Variants in ZNF614 observed in about 807,000 individuals in gnomAD.
ZNF614 encodes zinc finger protein 614.
Under a neutral mutation model 12.8 loss-of-function variants are expected in ZNF614, and 11 were observed. The observed-to-expected ratio is 0.86, with a 90% CI of 0.54 to 1.43. The LOEUF is 1.43. Ranked by LOEUF, ZNF614 falls within the 40% of genes most tolerant of loss-of-function variation. ZNF614 has a pLI of 0.00. For missense variants in ZNF614, 664 were observed against 708.8 expected, an observed-to-expected ratio of 0.94 and a Z score of 0.72; for synonymous variants, 237 against 237.5, an observed-to-expected ratio of 1.00 and a Z score of 0.02.
At chr19:52,017,486 G>A (rs1051443564) in intron 4 of ZNF614, 127 bp from the exon 5 acceptor site, 22 of 824,608 alleles carry the variant, frequency 2.7e-5, no homozygotes, top group Non-Finnish European at 3.9e-5. Context: ...GGCAGATCAC[G>A]AGGTCAGGAG....
intron 1 of ZNF614, among the ~76,000 whole-genome samples, chr19:52,026,868 G>A (rs1476418171): frequency 6.6e-6 from 1 of 152,200 alleles, no homozygotes; most frequent in African/African-American, 2.4e-5. Flanking sequence ...TCAAGGCACA[G>A]CACGTTTCCT....
rs1032366149 is a variant in ZNF614 at position 52,013,996 on chromosome 19, T to G, written c.*1844A>C. 6.6e-6 allele frequency: 1 copy of G among 152,354 alleles called. No individual in the cohort carries two copies. The highest frequency in any genetic ancestry group is 1.5e-5 in the Non-Finnish European group (1 of 68,034). 9.4% of individuals were successfully genotyped at this position (152,354 alleles called of 1,614,324 possible). Reference sequence around the variant, plus strand: ...GCTTTTGCAATTTCGAGTTCAAATTTATTTAAGTTGAAGGTGGTTTTATAA... The same window carrying G: ...GCTTTTGCAATTTCGAGTTCAAATTGATTTAAGTTGAAGGTGGTTTTATAA... On this transcript the variant is annotated 3_prime_UTR_variant, in exon 5 of 5. Coordinates refer to ENST00000270649, the MANE Select transcript of ZNF614 (RefSeq NM_025040.4).
In ZNF614 at chr19:52,017,130, A is replaced by C; in HGVS notation, c.468T>G (p.Val156=). ...GTGTTTTCTCACCTCCAATAAACTC[A>C]ACAGGGTTATTTATTCCATGTCTTC... is the stretch of plus-strand genomic sequence containing the variant. ...QKRRHGINNP[V]EFIGGEKTLL... Residue 156 remains valine (V), a synonymous_variant, in exon 5 of 5, where the codon GTT becomes GTG. Coordinates refer to ENST00000270649, the MANE Select transcript of ZNF614 (RefSeq NM_025040.4). 1 of 1,614,182 alleles carries C rather than the reference A, an allele frequency of 6.2e-7. No homozygotes were observed. Among genetic ancestry groups the C allele is most frequent in the Non-Finnish European group, 8.5e-7 (1 of 1,180,012 alleles).
intron 2 of ZNF614, among the ~76,000 whole-genome samples, chr19:52,020,468 G>A (rs947482570): frequency 3.9e-5 from 6 of 152,200 alleles, no homozygotes; most frequent in African/African-American, 1.4e-4. Context: ...GGAATCCTTG[G>A]TGGCATTACA....
In ZNF614 at chr19:52,015,879, G is replaced by A; in HGVS notation, c.1719C>T (p.Asn573=). ...REMGRISQVE[N]SCNGESQLLP... is the part of the protein sequence containing the mutation. ...GGAGCTGTGACTCTCCATTACAGGAGTTTTCAACTTGACTGATTCTACCCA... is the reference window on the plus strand; with the variant it reads ...GGAGCTGTGACTCTCCATTACAGGAATTTTCAACTTGACTGATTCTACCCA... The change falls in exon 5 of 5, where the codon AAC becomes AAT. Residue 573 remains asparagine (N), a synonymous_variant. Transcript: ENST00000270649. The A allele has an allele frequency of 6.2e-7, 1 of 1,613,982 alleles. No homozygotes were observed. Among genetic ancestry groups the A allele is most frequent in the Non-Finnish European group, 8.5e-7 (1 of 1,179,908 alleles).
intron 4 of ZNF614, chr19:52,017,767 C>T (rs1327002562): frequency 4.9e-6 from 2 of 407,492 alleles, no homozygotes; most frequent in Non-Finnish European, 8.6e-6. Flanking sequence ...ATTGTCAACT[C>T]TACGATCCCA....
rs1309322377 is a variant in ZNF614 at position 52,013,906 on chromosome 19, A to T, written c.*1934T>A. 1 of 152,194 alleles carries T rather than the reference A, an allele frequency of 6.6e-6. No individual in the cohort carries two copies. Among genetic ancestry groups the T allele is most frequent in the Non-Finnish European group, 1.5e-5 (1 of 68,034 alleles). The allele number at this position is 152,194 out of a possible 1,614,324, so 9.4% of individuals were successfully genotyped here. A position where few individuals can be genotyped will look rare whatever the true frequency, so the allele number is the denominator to read the frequency against. On this transcript the variant is annotated 3_prime_UTR_variant, in exon 5 of 5. Coordinates refer to ENST00000270649, the MANE Select transcript of ZNF614 (RefSeq NM_025040.4). Reference sequence around the variant, plus strand: ...CAATGTTGTTTTTCTGGTTTTGATAATTATGGTTATATAGGATATTTTTAC... The same window carrying T: ...CAATGTTGTTTTTCTGGTTTTGATATTTATGGTTATATAGGATATTTTTAC...
At chr19:52,017,805 G>A in intron 4 of ZNF614, 1 of 492,166 alleles carries the variant, frequency 2.0e-6, no homozygotes, top group Non-Finnish European at 3.6e-6. Flanking sequence ...GAAGATATAA[G>A]CTGAAATATA....
Position 52,018,061 on chromosome 19 carries a change from T to C in ZNF614, c.185A>G (p.His62Arg). The change falls in exon 4 of 5, where the codon CAT (histidine) becomes CGT (arginine). Residue 62 changes from histidine to arginine, a missense_variant. Transcript: ENST00000270649. ...SKPDVLSKLAHGQEPWTTDAK... is the reference protein window; with the variant it reads ...SKPDVLSKLARGQEPWTTDAK... ...ATCTGTTGTCCATGGTTCTTGTCCATGTGCCAACTTGGAGAGTACATCTGG... is the reference window on the plus strand; with the variant it reads ...ATCTGTTGTCCATGGTTCTTGTCCACGTGCCAACTTGGAGAGTACATCTGG... The C allele has an allele frequency of 6.2e-7, 1 of 1,614,122 alleles. No homozygotes were observed. The highest frequency in any genetic ancestry group is 8.5e-7 in the Non-Finnish European group (1 of 1,179,998).
chr19:52,014,088 G>C lies in ZNF614; in HGVS notation c.*1752C>G, dbSNP rs1263779985. 5 of 152,118 alleles carry C rather than the reference G, an allele frequency of 3.3e-5. No individual in the cohort carries two copies. The highest frequency in any genetic ancestry group is 5.9e-5 in the Non-Finnish European group (4 of 68,012). The allele number at this position is 152,118 out of a possible 1,614,324, so 9.4% of individuals were successfully genotyped here. A position where few individuals can be genotyped will look rare whatever the true frequency, so the allele number is the denominator to read the frequency against. On this transcript the variant is annotated 3_prime_UTR_variant, in exon 5 of 5. Coordinates refer to ENST00000270649, the MANE Select transcript of ZNF614 (RefSeq NM_025040.4). The stretch of plus-strand genomic sequence containing the variant: ...GTTGTTAATATATTTAACATATTCA[G>C]TTTCTTTTCTACTTAAGTTTGCTTA...
At chr19:52,024,000 T>C (rs973463962) in intron 2 of ZNF614, among the ~76,000 whole-genome samples, 1 of 152,128 alleles carries the variant, frequency 6.6e-6, no homozygotes, top group Non-Finnish European at 1.5e-5. Context: ...ATTATGCCTA[T>C]GTAATGAACC....
In ZNF614 at chr19:52,014,855, A is replaced by T. The variant is rs2086886936; in HGVS notation, c.*985T>A. ...CACTTCAGTAGTATAATCAGGTGTA[A>T]TTAAAAGGGCAGTGCTATGAATAAC... On this transcript the variant is annotated 3_prime_UTR_variant, in exon 5 of 5. Coordinates refer to ENST00000270649, the MANE Select transcript of ZNF614 (RefSeq NM_025040.4). 1 of 152,220 alleles carries T rather than the reference A, an allele frequency of 6.6e-6. No individual in the cohort carries two copies. The highest frequency in any genetic ancestry group is 6.5e-5 in the Admixed American group (1 of 15,278). The allele number at this position is 152,220 out of a possible 1,614,324, so 9.4% of individuals were successfully genotyped here.
rs1466360206 is a variant in ZNF614 at position 52,025,978 on chromosome 19, C to A, written c.-216-17G>T. 1.3e-5 allele frequency: 7 copies of A among 521,614 alleles called. No individual in the cohort carries two copies. The East Asian group carries it at 2.3e-4, about 17-fold the overall frequency. The allele number at this position is 521,614 out of a possible 1,614,324, so 32.3% of individuals were successfully genotyped here. A position where few individuals can be genotyped will look rare whatever the true frequency, so the allele number is the denominator to read the frequency against. ...ACCTGAGGACTGATAAACAAAATGG[C>A]TTTCAGTGTACATTAACCCTGGGTC... On this transcript the variant is annotated splice_polypyrimidine_tract_variant and intron_variant, in intron 1 of 4. Coordinates refer to ENST00000270649, the MANE Select transcript of ZNF614 (RefSeq NM_025040.4).
Position 52,025,818 on chromosome 19 carries a change from T to C in ZNF614, c.-73A>G, listed in dbSNP as rs2086967803. 1 of 1,547,788 alleles carries C rather than the reference T, an allele frequency of 6.5e-7. No individual in the cohort carries two copies. Among genetic ancestry groups the C allele is most frequent in the African/African-American group, 1.4e-5 (1 of 72,462 alleles). On this transcript the variant is annotated 5_prime_UTR_variant, in exon 2 of 5. Coordinates refer to ENST00000270649, the MANE Select transcript of ZNF614 (RefSeq NM_025040.4). ...TGTCTCTTCTGCATTTGCCATGAAG[T>C]TTTTGAAGTTTTCCTAGTCAGAAAT... is the stretch of plus-strand genomic sequence containing the variant.
rs756730125 is a variant in ZNF614 at position 52,016,806 on chromosome 19, A to G, written c.792T>C (p.Tyr264=). 20 of 1,613,734 alleles carry G rather than the reference A, an allele frequency of 1.2e-5. No homozygotes were observed. The highest frequency in any genetic ancestry group is 1.7e-5 in the Admixed American group (1 of 59,974). The change falls in exon 5 of 5, where the codon TAT becomes TAC. Residue 264 remains tyrosine, a synonymous_variant. Transcript: ENST00000270649. ...TACTCTTCACAGTAGAGCCTTTTCT[A>G]TATTCATTGGGTATACAGATTTTGT... ...TTDKICIPNE[Y]RKGSTVKSSL... is the part of the protein sequence containing the mutation.
At chr19:52,027,089 T>G (rs980534463) in intron 1 of ZNF614, among the ~76,000 whole-genome samples, 3 of 152,332 alleles carry the variant, frequency 2.0e-5, no homozygotes, top group Non-Finnish European at 4.4e-5. Context: ...TCTCTATACT[T>G]TGTCTCTTAT....
chr19:52,025,161 C>T (rs1376882484), intron 2 of ZNF614, among the ~76,000 whole-genome samples: 3 of 152,012 alleles, frequency 2.0e-5, no homozygotes, highest in Non-Finnish European at 2.9e-5. Flanking sequence ...TTGGCAGGCA[C>T]CAGCATGCAA....
In ZNF614 at chr19:52,018,350, C is replaced by A. The variant is rs1157221704; in HGVS notation, c.142+18G>T. ...GCATTGTAGGCACCTCTAGGTGACACAGGGAAACTATTCTTACCCAGTGAT... is the reference window on the plus strand; with the variant it reads ...GCATTGTAGGCACCTCTAGGTGACAAAGGGAAACTATTCTTACCCAGTGAT... On this transcript the variant is annotated intron_variant, in intron 3 of 4. Coordinates refer to ENST00000270649, the MANE Select transcript of ZNF614 (RefSeq NM_025040.4). 6.2e-7 allele frequency: 1 copy of A among 1,613,888 alleles called. No homozygotes were observed. Among genetic ancestry groups the A allele is most frequent in the African/African-American group, 1.3e-5 (1 of 75,004 alleles).
Position 52,015,988 on chromosome 19 carries a change from C to T in ZNF614, c.1610G>A (p.Arg537Lys), listed in dbSNP as rs2086893604. 1.9e-6 allele frequency: 3 copies of T among 1,614,170 alleles called. No individual in the cohort carries two copies. The highest frequency in any genetic ancestry group is 1.1e-5 in the South Asian group (1 of 91,086). Residue 537 changes from arginine to lysine, a missense_variant, in exon 5 of 5, where the codon AGG (arginine) becomes AAG (lysine). Transcript: ENST00000270649. ...CTCACAATCACTGCATCCATACGGC[C>T]TCTCTCCTGTATGCGTTCTTTGATG... is the stretch of plus-strand genomic sequence containing the variant. ...NVHQRTHTGE[R>K]PYGCSDCEKA... is the part of the protein sequence containing the mutation.
Sources: allele counts gnomAD v4.1 joint callset (sites outside exome capture counted in the v4.1 genomes callset), GRCh38; gene constraint gnomAD v4.1.1; transcripts MANE v1.5; gene names NCBI Gene and HGNC (gene_info 2026-07-23, HGNC 2026-07-21).